PARD3: variants seen among roughly 807,000 people sequenced by gnomAD.
The protein encoded by PARD3 is partitioning defective 3 homolog.
Under a neutral mutation model 155.4 loss-of-function variants are expected in PARD3, and 75 were observed. The ratio of observed to expected loss-of-function variants is 0.48; its 90% CI spans 0.40 to 0.58. The LOEUF is 0.58. PARD3 is among the 20% of genes least tolerant of loss of function. The pLI is 0.00. For synonymous variants in PARD3, 576 were observed against 610.5 expected (o/e 0.94, Z 0.83); for missense variants, 1,642 against 1,721.7 (o/e 0.95, Z 0.82).
chr10:34,767,503 C>A (rs867947653), intron 1 of PARD3, among the ~76,000 whole-genome samples: 2 of 152,100 alleles, frequency 1.3e-5, no homozygotes, highest in African/African-American at 2.4e-5. Flanking sequence ...TTTAATTCAA[C>A]CTCATTAATT....
chr10:34,193,552 C>A (rs112350162), intron 22 of PARD3, among the ~76,000 whole-genome samples: 6,565 of 152,232 alleles, frequency 0.043, 499 homozygotes, highest in African/African-American at 0.15. Context: ...TGCCTCCCGA[C>A]AAATATTATT....
chr10:34,285,931 C>T (rs1956366387), intron 20 of PARD3, among the ~76,000 whole-genome samples: 2 of 152,128 alleles, frequency 1.3e-5, no homozygotes, highest in South Asian at 4.1e-4. Flanking sequence ...GCAAATCTAT[C>T]CTTAAAATTA....
At chr10:34,156,678 A>C (rs747780416) in intron 22 of PARD3, among the ~76,000 whole-genome samples, 3 of 152,164 alleles carry the variant, frequency 2.0e-5, no homozygotes, top group Admixed American at 1.3e-4. Flanking sequence ...TCAAGCCCTC[A>C]CTAAGAGCGC....
chr10:34,601,921 C>T (rs187379128), intron 2 of PARD3, among the ~76,000 whole-genome samples: 10 of 152,212 alleles, frequency 6.6e-5, no homozygotes, highest in African/African-American at 2.2e-4. Flanking sequence ...CTGGAATTTA[C>T]TGTGAAATGA....
chr10:34,745,800 T>C (rs1257639992), intron 1 of PARD3, among the ~76,000 whole-genome samples: 1 of 151,758 alleles, frequency 6.6e-6, no homozygotes, highest in Non-Finnish European at 1.5e-5. Context: ...CAGTAATTCT[T>C]AGAAAATAAT....
At chr10:34,186,676 A>T (rs1211884897) in intron 22 of PARD3, among the ~76,000 whole-genome samples, 1 of 152,164 alleles carries the variant, frequency 6.6e-6, no homozygotes, top group Non-Finnish European at 1.5e-5. Flanking sequence ...TGGCAACCTC[A>T]AAAGGCCATG....
intron 24 of PARD3, among the ~76,000 whole-genome samples, chr10:34,114,194 C>T (rs975729241): frequency 1.1e-4 from 17 of 151,734 alleles, no homozygotes; most frequent in East Asian, 3.9e-4. Context: ...CCCAGGAGGT[C>T]GAGGCTGCAG....
intron 2 of PARD3, among the ~76,000 whole-genome samples, chr10:34,618,580 C>T (rs1184037358): frequency 6.6e-6 from 1 of 151,890 alleles, no homozygotes; most frequent in Non-Finnish European, 1.5e-5. Context: ...AAAACTGGAC[C>T]CAAAAAATAA....
intron 22 of PARD3, among the ~76,000 whole-genome samples, chr10:34,255,706 A>C (rs1954619287): frequency 6.6e-6 from 1 of 152,210 alleles, no homozygotes; most frequent in African/African-American, 2.4e-5. Context: ...TCTTCATGGA[A>C]GACGACAAAC....
At chr10:34,606,707 C>T (rs192981040) in intron 2 of PARD3, among the ~76,000 whole-genome samples, 253 of 150,862 alleles carry the variant, frequency 1.7e-3, no homozygotes, top group African/African-American at 5.1e-3. Flanking sequence ...TGGTGGCTCA[C>T]GCCTGTAATC....
intron 22 of PARD3, among the ~76,000 whole-genome samples, chr10:34,134,643 T>C (rs1947798240): frequency 6.6e-6 from 1 of 152,228 alleles, no homozygotes. Flanking sequence ...CACCCCCTTT[T>C]CCTCTGCTCT....
chr10:34,145,222 T>TTTTTTTTTTTTTA (rs1948441614), intron 22 of PARD3, among the ~76,000 whole-genome samples: 1 of 40,190 alleles, frequency 2.5e-5, no homozygotes, highest in African/African-American at 1.4e-4. Context: ...TATATATATA[T>TTTTTTTTTTTTTA]TTTTTTTTTT....
At position 34,343,922 on chromosome 10, in the gene PARD3, C is replaced by T. The variant is rs78318470; in HGVS notation, c.2219-2106G>A. Reference sequence around the variant, plus strand: ...ATTGGCAAATTTACATAGAAGGTAACACCACACATGATACTAGAGGAAAAC... The same window carrying T: ...ATTGGCAAATTTACATAGAAGGTAATACCACACATGATACTAGAGGAAAAC... On this transcript the variant is annotated intron_variant, in intron 15 of 24. Coordinates refer to ENST00000374788, the MANE Select transcript of PARD3 (RefSeq NM_001184785.2). 6.7e-3 allele frequency: 6,534 copies of T among 981,040 alleles called. 27 individuals are homozygous for T. Among genetic ancestry groups the T allele is most frequent in the Non-Finnish European group, 7.4e-3 (6,150 of 825,964 alleles). 60.8% of individuals were successfully genotyped at this position (981,040 alleles called of 1,614,324 possible). A position where few individuals can be genotyped will look rare whatever the true frequency, so the allele number is the denominator to read the frequency against.
chr10:34,314,932 T>A (rs1957918141), intron 20 of PARD3, among the ~76,000 whole-genome samples: 1 of 152,200 alleles, frequency 6.6e-6, no homozygotes, highest in Non-Finnish European at 1.5e-5. Context: ...CCAGCCAAGG[T>A]GGGCTGATTC....
chr10:34,509,090 C>T (rs1403879407), intron 3 of PARD3, among the ~76,000 whole-genome samples: 1 of 152,104 alleles, frequency 6.6e-6, no homozygotes, highest in Non-Finnish European at 1.5e-5. Context: ...ATCTGCATAA[C>T]AAGCTCATGT....
At chr10:34,766,263 G>A (rs549606056) in intron 1 of PARD3, among the ~76,000 whole-genome samples, 57 of 152,296 alleles carry the variant, frequency 3.7e-4, no homozygotes, top group Non-Finnish European at 6.8e-4. Context: ...TATGGGGGAC[G>A]TGGGGGGATC....
intron 22 of PARD3, among the ~76,000 whole-genome samples, chr10:34,173,027 T>G (rs2133132586): frequency 6.6e-6 from 1 of 152,330 alleles, no homozygotes; most frequent in Admixed American, 6.5e-5. Flanking sequence ...ACATCAGAGA[T>G]ATTGCCTGTT....
intron 2 of PARD3, among the ~76,000 whole-genome samples, chr10:34,613,737 T>C (rs116151368): frequency 0.012 from 1,815 of 152,312 alleles, 34 homozygotes; most frequent in African/African-American, 0.041. Context: ...GTTTAAAACA[T>C]AGTTTTCTCG....
chr10:34,196,568 CTTT>C (rs71523319), intron 22 of PARD3, among the ~76,000 whole-genome samples: 2 of 97,420 alleles, frequency 2.1e-5, no homozygotes, highest in African/African-American at 4.4e-5. Flanking sequence ...GTACCCTTTT[CTTT>C]TTTTTTTTTT....
Sources: gnomAD v4.1 joint callset for allele counts (sites outside exome capture counted in the v4.1 genomes callset) on GRCh38, gnomAD v4.1.1 for gene constraint, MANE v1.5 for transcripts, NCBI Gene and HGNC (gene_info 2026-07-23, HGNC 2026-07-21) for gene names.